Variants in MLIP observed in about 807,000 individuals in gnomAD.
The protein encoded by MLIP is muscular LMNA interacting protein, also known as muscular LMNA-interacting protein.
Under a neutral mutation model 84.8 loss-of-function variants are expected in MLIP, and 79 were observed. That is an observed-to-expected ratio of 0.93 (90% confidence interval 0.78 to 1.12). MLIP has a LOEUF of 1.12. MLIP is among the 50% of genes most tolerant of loss of function. The probability of loss-of-function intolerance (pLI) is 0.00; values close to 1 mark genes in which losing one functional copy is unlikely to be tolerated. For missense variants in MLIP, 1,257 were observed against 1,160.6 expected (o/e 1.08, Z -1.21); for synonymous variants, 504 against 463.0 (o/e 1.09, Z -1.14).
intron 12 of MLIP, among the ~76,000 whole-genome samples, chr6:54,253,824 T>C (rs1340331715): frequency 6.6e-6 from 1 of 152,110 alleles, no homozygotes; most frequent in Non-Finnish European, 1.5e-5. Flanking sequence ...CAGTGGTGAG[T>C]GAACAAAGGT....
intron 12 of MLIP, among the ~76,000 whole-genome samples, chr6:54,256,756 T>C (rs531161382): frequency 9.2e-5 from 14 of 152,306 alleles, no homozygotes; most frequent in African/African-American, 2.4e-4. Context: ...TACATTATAA[T>C]AACATCACCT....
intron 13 of MLIP, among the ~76,000 whole-genome samples, chr6:54,257,585 T>C (rs1436262776): frequency 1.3e-5 from 2 of 152,132 alleles, no homozygotes; most frequent in East Asian, 1.9e-4. Flanking sequence ...CCGTGTCTGA[T>C]ACCTGGACCA....
intron 4 of MLIP, among the ~76,000 whole-genome samples, chr6:54,143,894 G>A (rs1223054281): frequency 3.9e-5 from 6 of 152,100 alleles, no homozygotes; most frequent in Non-Finnish European, 7.4e-5. Flanking sequence ...AAAAGATCTA[G>A]CAGGCAGATA....
At chr6:54,203,763 T>G (rs1162145476) in intron 11 of MLIP, 1 of 152,344 alleles carries the variant, frequency 6.6e-6, no homozygotes, top group Non-Finnish European at 1.5e-5. Context: ...TTTTTGTAAT[T>G]TTAGTAGAGA....
At chr6:54,264,817 T>A (rs997009838) in intron 13 of MLIP, among the ~76,000 whole-genome samples, 2 of 152,134 alleles carry the variant, frequency 1.3e-5, no homozygotes, top group Admixed American at 6.6e-5. Flanking sequence ...ACTTTTTGCC[T>A]GTTGATTTTC....
intron 13 of MLIP, among the ~76,000 whole-genome samples, chr6:54,263,661 A>G (rs1437308919): frequency 1.3e-5 from 2 of 152,088 alleles, no homozygotes; most frequent in Non-Finnish European, 2.9e-5. Context: ...GCTTTCTGTA[A>G]CATTGGCTTA....
At chr6:54,216,229 C>CTTT in intron 11 of MLIP, 1 of 985,210 alleles carries the variant, frequency 1.0e-6, no homozygotes, top group African/African-American at 1.7e-5. Context: ...TGATTTCCTG[C>CTTT]TAAAGGGTCA....
chr6:54,062,978 G>A (rs1452196432), intron 1 of MLIP, among the ~76,000 whole-genome samples: 1 of 152,080 alleles, frequency 6.6e-6, no homozygotes, highest in Non-Finnish European at 1.5e-5. Context: ...CGAGGCGGGT[G>A]GATTACTTGA....
At chr6:54,217,441 A>G in intron 11 of MLIP, 2 of 985,444 alleles carry the variant, frequency 2.0e-6, no homozygotes, top group Non-Finnish European at 2.4e-6. Flanking sequence ...CACCAAATGC[A>G]TCAGATATGG....
intron 1 of MLIP, among the ~76,000 whole-genome samples, chr6:54,061,357 C>T (rs1765954687): frequency 6.6e-6 from 1 of 152,106 alleles, no homozygotes; most frequent in African/African-American, 2.4e-5. Context: ...CTGCACTAAC[C>T]AGCTGAGTTG....
At chr6:54,076,711 A>G (rs1766826069) in intron 1 of MLIP, among the ~76,000 whole-genome samples, 1 of 152,184 alleles carries the variant, frequency 6.6e-6, no homozygotes, top group African/African-American at 2.4e-5. Flanking sequence ...TCAAAGCCTG[A>G]ATACAATTTT....
intron 1 of MLIP, among the ~76,000 whole-genome samples, chr6:54,105,742 G>A (rs1768964665): frequency 6.6e-6 from 1 of 152,086 alleles, no homozygotes; most frequent in Admixed American, 6.6e-5. Flanking sequence ...GTGATATTTG[G>A]GCAGAGACAT....
intron 1 of MLIP, among the ~76,000 whole-genome samples, chr6:54,082,406 A>G (rs1767217639): frequency 6.6e-6 from 1 of 152,194 alleles, no homozygotes; most frequent in African/African-American, 2.4e-5. Context: ...GAACTCACTC[A>G]CTATTGTAAG....
At chr6:54,125,230 A>G (rs1001459561) in intron 3 of MLIP, among the ~76,000 whole-genome samples, 6 of 152,222 alleles carry the variant, frequency 3.9e-5, no homozygotes, top group African/African-American at 1.4e-4. Context: ...ATCAAGAAGC[A>G]TATTTCAGAC....
intron 1 of MLIP, among the ~76,000 whole-genome samples, chr6:54,068,995 A>AT (rs1766344252): frequency 9.9e-6 from 1 of 101,142 alleles, no homozygotes; most frequent in Non-Finnish European, 2.8e-5. Flanking sequence ...ATGGGGAAAC[A>AT]TTCTAGAAAA....
intron 11 of MLIP, among the ~76,000 whole-genome samples, chr6:54,225,383 G>C (rs1303277257): frequency 6.6e-6 from 1 of 152,108 alleles, no homozygotes. Context: ...GTGAATCTAA[G>C]CATATCTAAA....
At chr6:54,241,275 C>T (rs1781718706) in intron 12 of MLIP, among the ~76,000 whole-genome samples, 2 of 145,892 alleles carry the variant, frequency 1.4e-5, no homozygotes, top group Admixed American at 1.4e-4. Flanking sequence ...GGAAACACAA[C>T]TGTTAAATTA....
intron 1 of MLIP, among the ~76,000 whole-genome samples, chr6:54,100,546 T>C (rs908465621): frequency 6.6e-5 from 10 of 152,140 alleles, no homozygotes; most frequent in Admixed American, 6.6e-4. Flanking sequence ...TTCTATTAAC[T>C]AATGTGGTTA....
intron 11 of MLIP, chr6:54,216,783 T>C: frequency 1.0e-6 from 1 of 985,336 alleles, no homozygotes. Flanking sequence ...CAAGAAGATA[T>C]GCCATATAAT....
Sources: allele counts gnomAD v4.1 joint callset (sites outside exome capture counted in the v4.1 genomes callset), GRCh38; gene constraint gnomAD v4.1.1; transcripts MANE v1.5; gene names NCBI Gene and HGNC (gene_info 2026-07-23, HGNC 2026-07-21).